Variants in SHTN1 observed in about 807,000 individuals in gnomAD.
The protein encoded by SHTN1 is shootin-1.
A neutral mutation model predicts 83.1 loss-of-function variants in SHTN1; 42 were observed. The observed-to-expected ratio is 0.51, with a 90% CI of 0.39 to 0.65. The LOEUF (loss-of-function observed/expected upper bound fraction) is 0.65. Among genes scored for constraint, SHTN1 ranks in the 30% least tolerant of loss-of-function variants. The probability of loss-of-function intolerance (pLI) is 0.00; values close to 1 mark genes in which losing one functional copy is unlikely to be tolerated. For missense variants in SHTN1, 622 were observed against 737.8 expected (o/e 0.84, Z 1.82); for synonymous variants, 224 against 247.7 (o/e 0.90, Z 0.90).
intron 1 of SHTN1, among the ~76,000 whole-genome samples, chr10:117,123,857 A>G (rs989617813): frequency 3.5e-5 from 5 of 141,498 alleles, no homozygotes; most frequent in Non-Finnish European, 4.5e-5. Flanking sequence ...TCGAGATCAC[A>G]TTGCTGCAGC....
chr10:116,900,403 A>G (rs1447442367), intron 16 of SHTN1: 3 of 765,624 alleles, frequency 3.9e-6, no homozygotes, highest in East Asian at 2.7e-5. Flanking sequence ...TTCACTGTCA[A>G]TTCAACACAT....
chr10:117,113,478 C>T (rs1853796686), intron 1 of SHTN1, among the ~76,000 whole-genome samples: 1 of 152,194 alleles, frequency 6.6e-6, no homozygotes, highest in African/African-American at 2.4e-5. Flanking sequence ...CTTCTAAGTG[C>T]CCCAGGAGGG....
intron 1 of SHTN1, among the ~76,000 whole-genome samples, chr10:117,103,243 C>G (rs760637270): frequency 1.3e-5 from 2 of 152,014 alleles, no homozygotes; most frequent in African/African-American, 2.4e-5. Flanking sequence ...GTGCACACCA[C>G]CACACCTGGC....
At chr10:117,066,305 C>T (rs931823495) in intron 1 of SHTN1, among the ~76,000 whole-genome samples, 1 of 152,082 alleles carries the variant, frequency 6.6e-6, no homozygotes, top group Non-Finnish European at 1.5e-5. Flanking sequence ...TCCACTAATA[C>T]AATAAATATT....
intron 1 of SHTN1, among the ~76,000 whole-genome samples, chr10:117,113,217 G>T (rs1388233536): frequency 1.3e-5 from 2 of 152,178 alleles, no homozygotes; most frequent in African/African-American, 2.4e-5. Context: ...CTTTGAGCAG[G>T]AATCTCCTCC....
chr10:117,109,641 T>A (rs1022779614), intron 1 of SHTN1, among the ~76,000 whole-genome samples: 1 of 126,690 alleles, frequency 7.9e-6, no homozygotes, highest in Non-Finnish European at 1.6e-5. Context: ...CTCAGCTCAC[T>A]GCAACCTCTG....
At chr10:116,905,958 C>T (rs1343383739) in intron 15 of SHTN1, among the ~76,000 whole-genome samples, 1 of 152,204 alleles carries the variant, frequency 6.6e-6, no homozygotes, top group Non-Finnish European at 1.5e-5. Flanking sequence ...GCTCCAGACT[C>T]GCTCAGATGG....
intron 1 of SHTN1, among the ~76,000 whole-genome samples, chr10:117,060,088 C>T (rs1249030042): frequency 6.6e-6 from 1 of 151,996 alleles, no homozygotes; most frequent in Non-Finnish European, 1.5e-5. Context: ...TGGTGCATGC[C>T]CGTAGTCCTA....
intron 1 of SHTN1, among the ~76,000 whole-genome samples, chr10:117,002,881 A>G (rs1040987187): frequency 6.6e-6 from 1 of 152,200 alleles, no homozygotes; most frequent in Non-Finnish European, 1.5e-5. Flanking sequence ...TATGCACTTA[A>G]TCAAGGAAAT....
intron 2 of SHTN1, among the ~76,000 whole-genome samples, chr10:116,978,744 C>T (rs1850903690): frequency 6.6e-6 from 1 of 152,108 alleles, no homozygotes; most frequent in South Asian, 2.1e-4. Flanking sequence ...AAATATTCAC[C>T]AGACTTCCCC....
At chr10:117,077,013 T>C (rs992103692) in intron 1 of SHTN1, among the ~76,000 whole-genome samples, 1 of 152,188 alleles carries the variant, frequency 6.6e-6, no homozygotes, top group Non-Finnish European at 1.5e-5. Context: ...CACTGGTATA[T>C]TTACATCTCA....
At chr10:117,085,379 T>C (rs1050801728) in intron 1 of SHTN1, among the ~76,000 whole-genome samples, 1 of 152,248 alleles carries the variant, frequency 6.6e-6, no homozygotes, top group African/African-American at 2.4e-5. Flanking sequence ...AAATTTCTCT[T>C]GCGATTTCTT....
chr10:117,081,148 TC>T (rs879719569), intron 1 of SHTN1, among the ~76,000 whole-genome samples: 19 of 148,806 alleles, frequency 1.3e-4, no homozygotes, highest in Non-Finnish European at 2.9e-4. Flanking sequence ...TTTTGCCCAT[TC>T]AGTATGATAT....
At chr10:116,895,031 C>T (rs570928642) in intron 16 of SHTN1, among the ~76,000 whole-genome samples, 3 of 152,056 alleles carry the variant, frequency 2.0e-5, no homozygotes, top group African/African-American at 7.2e-5. Context: ...AAGGTGTTAA[C>T]CAGTAATTGA....
intron 4 of SHTN1, among the ~76,000 whole-genome samples, chr10:116,959,436 T>TGGA (rs976191631): frequency 4.6e-5 from 7 of 152,188 alleles, no homozygotes; most frequent in African/African-American, 1.7e-4. Context: ...AGGTGGGTGA[T>TGGA]GGAGGGGAGG....
intron 5 of SHTN1, among the ~76,000 whole-genome samples, chr10:116,952,305 A>C (rs1469455563): frequency 6.6e-6 from 1 of 152,216 alleles, no homozygotes; most frequent in African/African-American, 2.4e-5. Flanking sequence ...GCATTTTGGA[A>C]GTAAAATTTT....
intron 1 of SHTN1, among the ~76,000 whole-genome samples, chr10:116,998,718 C>A (rs1395052017): frequency 6.6e-6 from 1 of 152,124 alleles, no homozygotes; most frequent in Non-Finnish European, 1.5e-5. Context: ...TTCCACACTA[C>A]AAGATGCCCT....
intron 13 of SHTN1, 141 bp downstream of exon 13, chr10:116,915,234 G>T: frequency 1.7e-6 from 1 of 594,116 alleles, no homozygotes. Context: ...ATGCTTATGT[G>T]GAAGTAAAAG....
rs527467287 is a variant in SHTN1 at position 116,896,550 on chromosome 10, C to G, written c.1673+5215G>C. ...AAAATACATACATCTGCAATGGTGG[C>G]GAACTGATAGCTATGTCCAAAAATT... On this transcript the variant is annotated intron_variant, in intron 16 of 16. Coordinates refer to ENST00000355371, the MANE Select transcript of SHTN1 (RefSeq NM_001127211.3). Among the ~76,000 whole-genome samples the G allele has an allele frequency of 2.0e-5, 3 of 152,118 alleles. No homozygotes were observed. In the South Asian group the frequency reaches 6.2e-4, roughly 32 times the overall value.
Sources: gnomAD v4.1 joint callset for allele counts (sites outside exome capture counted in the v4.1 genomes callset) on GRCh38, gnomAD v4.1.1 for gene constraint, MANE v1.5 for transcripts, NCBI Gene and HGNC (gene_info 2026-07-23, HGNC 2026-07-21) for gene names.